USP6NL: variants seen among roughly 807,000 people sequenced by gnomAD.
USP6NL encodes the protein USP6 N-terminal like.
Under a neutral mutation model 61.9 loss-of-function variants are expected in USP6NL, and 26 were observed. The observed-to-expected ratio is 0.42, with a 90% CI of 0.31 to 0.58. The LOEUF is 0.58. Ranked by LOEUF, USP6NL falls within the 20% of genes least tolerant of loss-of-function variation. The probability of loss-of-function intolerance (pLI) is 0.16; values close to 1 mark genes in which losing one functional copy is unlikely to be tolerated. For missense variants in USP6NL, 1,114 were observed against 1,034.3 expected (o/e 1.08, Z -1.06); for synonymous variants, 432 against 390.1 (o/e 1.11, Z -1.27).
chr10:11,527,666 T>C (rs1443298479), intron 2 of USP6NL, 99 bp from the exon 3 acceptor site: 1 of 1,050,012 alleles, frequency 9.5e-7, no homozygotes, highest in Non-Finnish European at 1.4e-6. Flanking sequence ...AAATAAATAC[T>C]GCCTAAAATG....
At chr10:11,550,427 C>G (rs1380623797) in intron 2 of USP6NL, among the ~76,000 whole-genome samples, 6 of 152,060 alleles carry the variant, frequency 3.9e-5, no homozygotes, top group African/African-American at 1.4e-4. Flanking sequence ...AAACAAGCAG[C>G]CTGTTTTTTG....
chr10:11,467,378 A>C (rs2133160382), intron 14 of USP6NL, among the ~76,000 whole-genome samples: 1 of 152,340 alleles, frequency 6.6e-6, no homozygotes, highest in South Asian at 2.1e-4. Context: ...TTGGAGAAAC[A>C]AATTCTCCAA....
chr10:11,562,311 G>A lies in USP6NL; in HGVS notation c.5-34744C>T. 1 of 867,796 alleles carries A rather than the reference G, an allele frequency of 1.2e-6. No homozygotes were observed. Among genetic ancestry groups the A allele is most frequent in the Non-Finnish European group, 1.4e-6 (1 of 722,556 alleles). The allele number at this position is 867,796 out of a possible 1,614,324, so 53.8% of individuals were successfully genotyped here. On this transcript the variant is annotated intron_variant, in intron 2 of 14. Transcript: ENST00000609104. This position sits in a 1 kb window ranked among gnomAD's most constrained non-coding sequence, Gnocchi z 4.8. ...TCCCAGGACCCCCCTGCAGCTAGCA[G>A]CAGCCATGTGACACAGTTCCGGCTG... is the stretch of plus-strand genomic sequence containing the variant.
intron 2 of USP6NL, among the ~76,000 whole-genome samples, chr10:11,535,051 G>A (rs149259661): frequency 2.9e-4 from 44 of 152,174 alleles, no homozygotes; most frequent in African/African-American, 1.0e-3. Context: ...TTCTAAAATC[G>A]ACACCTCTTT....
At chr10:11,569,098 C>A (rs1187369770) in intron 2 of USP6NL, among the ~76,000 whole-genome samples, 1 of 152,160 alleles carries the variant, frequency 6.6e-6, no homozygotes, top group Non-Finnish European at 1.5e-5. Flanking sequence ...TAAAGAACTA[C>A]AAACCTACAA....
Position 11,598,102 on chromosome 10 carries a change from T to C in USP6NL, c.-83-385A>G, listed in dbSNP as rs1290014730. ...TCATCCCTGCTGAGTATATTTTGAC[T>C]GCACATAAATGATTAATGTAAGACT... On this transcript the variant is annotated intron_variant, in intron 1 of 14. Transcript: ENST00000609104. The surrounding 1 kb of genome is among the most constrained non-coding windows in gnomAD (Gnocchi z 4.7). Among the ~76,000 whole-genome samples, 1 of 152,216 alleles carries C rather than the reference T, an allele frequency of 6.6e-6. No individual in the cohort carries two copies. Among genetic ancestry groups the C allele is most frequent in the African/African-American group, 2.4e-5 (1 of 41,460 alleles).
chr10:11,472,732 T>A (rs1233394484), intron 14 of USP6NL, among the ~76,000 whole-genome samples: 1 of 152,232 alleles, frequency 6.6e-6, no homozygotes, highest in Non-Finnish European at 1.5e-5. Context: ...AATAACATGA[T>A]GAAAAGAAAT....
At chr10:11,477,508 G>A (rs72777659) in intron 14 of USP6NL, among the ~76,000 whole-genome samples, 14,159 of 152,080 alleles carry the variant, frequency 0.093, 735 homozygotes, top group South Asian at 0.19. Flanking sequence ...TATATCAGAC[G>A]GAAACAGTTT....
At chr10:11,572,084 A>C (rs1432774842) in intron 2 of USP6NL, among the ~76,000 whole-genome samples, 2 of 151,912 alleles carry the variant, frequency 1.3e-5, no homozygotes, top group Non-Finnish European at 2.9e-5. Flanking sequence ...AAAGGCACAA[A>C]AATTATTATT....
At chr10:11,492,109 C>T (rs1833730281) in intron 8 of USP6NL, among the ~76,000 whole-genome samples, 1 of 152,138 alleles carries the variant, frequency 6.6e-6, no homozygotes. Context: ...TGATCATCTC[C>T]CAAAGACTTG....
intron 3 of USP6NL, 135 bp downstream of exon 3, chr10:11,527,365 C>A (rs1440146391): frequency 7.1e-6 from 5 of 709,004 alleles, no homozygotes; most frequent in East Asian, 2.8e-5. Context: ...ATGAAGTCAG[C>A]GAAGATGATC....
At chr10:11,494,561 T>C (rs796433298) in intron 7 of USP6NL, among the ~76,000 whole-genome samples, 3 of 152,128 alleles carry the variant, frequency 2.0e-5, no homozygotes, top group African/African-American at 7.2e-5. Context: ...CTACTACCAA[T>C]GCGCGGAGCC....
rs1838348651 is a variant in USP6NL, at chr10:11,596,909, C to T, written c.4+722G>A. On this transcript the variant is annotated intron_variant, in intron 2 of 14. Transcript: ENST00000609104. This position sits in a 1 kb window ranked among gnomAD's most constrained non-coding sequence, Gnocchi z 4.1. ...AAATACTATGTGAAAAACATTTAAA[C>T]TCTAATATCATCTTCCAATAAGAAA... Among the ~76,000 whole-genome samples, 1 of 152,070 alleles carries T rather than the reference C, an allele frequency of 6.6e-6. No homozygotes were observed. The highest frequency in any genetic ancestry group is 1.5e-5 in the Non-Finnish European group (1 of 68,004).
chr10:11,493,316 T>C (rs1833780498), intron 7 of USP6NL, 88 bp from the exon 8 acceptor site: 1 of 1,202,568 alleles, frequency 8.3e-7, no homozygotes, highest in Non-Finnish European at 1.2e-6. Flanking sequence ...CATTAAAAAG[T>C]TTTTGGTTTA....
intron 4 of USP6NL, among the ~76,000 whole-genome samples, chr10:11,523,717 T>A (rs1835314508): frequency 6.6e-6 from 1 of 152,208 alleles, no homozygotes; most frequent in African/African-American, 2.4e-5. Context: ...AATAGATCCA[T>A]TTTGGAATGC....
intron 4 of USP6NL, among the ~76,000 whole-genome samples, chr10:11,521,040 C>T (rs1049431881): frequency 1.3e-5 from 2 of 152,164 alleles, no homozygotes; most frequent in African/African-American, 4.8e-5. Context: ...CATTGTTCAT[C>T]TACTCTTAAA....
rs928156367 is a variant in USP6NL, at chr10:11,598,160, A to C, written c.-83-443T>G. 5.9e-5 allele frequency among the ~76,000 whole-genome samples: 9 copies of C among 152,218 alleles called. No homozygotes were observed. Among genetic ancestry groups the C allele is most frequent in the Non-Finnish European group, 1.3e-4 (9 of 68,038 alleles). ...AGGATCAGCAAAGTTATTGCTATAG[A>C]CTTTCTCTAGCAATGAATATTTTCT... On this transcript the variant is annotated intron_variant, in intron 1 of 14. Coordinates refer to ENST00000609104, the MANE Select transcript of USP6NL (RefSeq NM_014688.5). This position sits in a 1 kb window ranked among gnomAD's most constrained non-coding sequence, Gnocchi z 4.7.
intron 2 of USP6NL, among the ~76,000 whole-genome samples, chr10:11,541,268 TATATATA>T: frequency 7.4e-6 from 1 of 135,018 alleles, no homozygotes; most frequent in Non-Finnish European, 1.6e-5. Flanking sequence ...TATATATATA[TATATATA>T]TGTATGTCAC....
At position 11,597,677 on chromosome 10, in the gene USP6NL, C is replaced by A; in HGVS notation, c.-43G>T. 1 of 1,531,902 alleles carries A rather than the reference C, an allele frequency of 6.5e-7. No individual in the cohort carries two copies. The highest frequency in any genetic ancestry group is 8.9e-7 in the Non-Finnish European group (1 of 1,129,152). The allele number at this position is 1,531,902 out of a possible 1,614,324, so 94.9% of individuals were successfully genotyped here. Reference sequence around the variant, plus strand: ...AATGTTGTCCCAATCAGATATTAAACCAAAATCTGCTGTCCAAGGTTTCTC... The same window carrying A: ...AATGTTGTCCCAATCAGATATTAAAACAAAATCTGCTGTCCAAGGTTTCTC... On this transcript the variant is annotated 5_prime_UTR_variant, in exon 2 of 15. Coordinates refer to ENST00000609104, the MANE Select transcript of USP6NL (RefSeq NM_014688.5). The surrounding 1 kb of genome is among the most constrained non-coding windows in gnomAD (Gnocchi z 4.6).
Sources: allele counts gnomAD v4.1 joint callset (sites outside exome capture counted in the v4.1 genomes callset), GRCh38; gene constraint gnomAD v4.1.1; non-coding constraint Gnocchi (gnomAD v3.1); transcripts MANE v1.5; gene names NCBI Gene and HGNC (gene_info 2026-07-23, HGNC 2026-07-21).